HECTD2: variants seen among roughly 807,000 people sequenced by gnomAD.
HECTD2 encodes the protein HECT domain E3 ubiquitin protein ligase 2.
HECTD2 carries 35 observed loss-of-function variants against 103.2 expected under a neutral mutation model. That is an observed-to-expected ratio of 0.34 (90% CI 0.26 to 0.45). HECTD2 has a LOEUF of 0.45. Among genes scored for constraint, HECTD2 ranks in the 20% least tolerant of loss-of-function variants. The pLI, the probability that HECTD2 is intolerant of heterozygous loss-of-function variation, is 1.00. For synonymous variants in HECTD2, 281 were observed against 329.9 expected (o/e 0.85, Z 1.61); for missense variants, 596 against 937.4 (o/e 0.64, Z 4.76).
chr10:91,470,834 G>A (rs1193304779), intron 5 of HECTD2, among the ~76,000 whole-genome samples: 4 of 151,992 alleles, frequency 2.6e-5, no homozygotes, highest in Admixed American at 6.6e-5. Flanking sequence ...GTGGATTCAC[G>A]GCCGAATTCT....
At chr10:91,470,263 A>G (rs1232542849) in intron 5 of HECTD2, among the ~76,000 whole-genome samples, 2 of 152,224 alleles carry the variant, frequency 1.3e-5, no homozygotes, top group South Asian at 2.1e-4. Context: ...CAGAATACAC[A>G]TTCTTCTGAA....
intron 14 of HECTD2, among the ~76,000 whole-genome samples, chr10:91,494,734 A>C (rs1846603791): frequency 6.6e-6 from 1 of 152,044 alleles, no homozygotes; most frequent in Non-Finnish European, 1.5e-5. Context: ...TATCTGCAGT[A>C]ATCATTTGTT....
chr10:91,512,142 G>GTCA, intron 20 of HECTD2, 122 bp from the exon 21 acceptor site: 1 of 1,019,896 alleles, frequency 9.8e-7, no homozygotes, highest in Non-Finnish European at 1.4e-6. Context: ...AAATGGATGA[G>GTCA]TCATCTCTTA....
At chr10:91,500,459 C>A in intron 18 of HECTD2, 43 bp from the exon 19 acceptor site, 1 of 905,126 alleles carries the variant, frequency 1.1e-6, no homozygotes, top group Non-Finnish European at 1.8e-6. Context: ...CACTTAAAAC[C>A]ATCACTCTTT....
chr10:91,429,486 T>G (rs1452309031), intron 2 of HECTD2, among the ~76,000 whole-genome samples: 1 of 152,020 alleles, frequency 6.6e-6, no homozygotes, highest in African/African-American at 2.4e-5. Context: ...TGGTAGAATT[T>G]GGCTGTGAAT....
chr10:91,423,789 C>T (rs1318194332), intron 1 of HECTD2, among the ~76,000 whole-genome samples: 1 of 152,026 alleles, frequency 6.6e-6, no homozygotes, highest in Non-Finnish European at 1.5e-5. Context: ...AAGTGTAGCA[C>T]CTATGCACAA....
intron 16 of HECTD2, 113 bp from the exon 17 acceptor site, chr10:91,498,759 A>G (rs1846778068): frequency 1.6e-6 from 1 of 623,082 alleles, no homozygotes; most frequent in Non-Finnish European, 2.9e-6. Flanking sequence ...TTTATAGTTT[A>G]TGTGTTTAGA....
chr10:91,421,039 C>A (rs143873838), intron 1 of HECTD2, among the ~76,000 whole-genome samples: 2 of 152,150 alleles, frequency 1.3e-5, no homozygotes, highest in Non-Finnish European at 2.9e-5. Flanking sequence ...TTCTTCCCCC[C>A]CTCAGGCTTT....
At chr10:91,500,731 TAGAG>T (rs1479337081) in intron 19 of HECTD2, 114 bp downstream of exon 19, 1 of 557,858 alleles carries the variant, frequency 1.8e-6, no homozygotes, top group Admixed American at 3.1e-5. Context: ...GTCAAAATAT[TAGAG>T]AGTCCCACAG....
At chr10:91,498,450 G>A (rs1846768542) in intron 16 of HECTD2, among the ~76,000 whole-genome samples, 3 of 152,104 alleles carry the variant, frequency 2.0e-5, no homozygotes, top group African/African-American at 4.8e-5. Flanking sequence ...GAGCTTTTTA[G>A]TTTCTAAAAA....
chr10:91,459,492 T>G (rs561548455), intron 2 of HECTD2, among the ~76,000 whole-genome samples: 1 of 152,008 alleles, frequency 6.6e-6, no homozygotes, highest in Admixed American at 6.6e-5. Flanking sequence ...TATTAAGCAA[T>G]AAAAATGAAC....
intron 2 of HECTD2, among the ~76,000 whole-genome samples, chr10:91,432,561 T>C (rs1404255647): frequency 6.6e-6 from 1 of 151,984 alleles, no homozygotes; most frequent in East Asian, 1.9e-4. Context: ...CTTACTCTCT[T>C]GTGTCTTCCT....
chr10:91,418,026 T>G (rs1185433581), intron 1 of HECTD2, among the ~76,000 whole-genome samples: 1 of 152,126 alleles, frequency 6.6e-6, no homozygotes, highest in Non-Finnish European at 1.5e-5. Context: ...CTCCAGCACC[T>G]GTTGTTTCCT....
At chr10:91,485,457 AT>A in intron 10 of HECTD2, 154 bp downstream of exon 10, 1 of 548,596 alleles carries the variant, frequency 1.8e-6, no homozygotes, top group Non-Finnish European at 3.0e-6. Flanking sequence ...TTATTAAAGT[AT>A]TTTCTTTTTC....
rs1720439164 is a variant in HECTD2 at position 91,499,552 on chromosome 10, C to T, written c.1950+402C>T. Reference sequence around the variant, plus strand: ...AGCTGCTTCCTGCTACCTCAGGGCTCCCTCAGCAACTCTGCATTGCCTTTT... The same window carrying T: ...AGCTGCTTCCTGCTACCTCAGGGCTTCCTCAGCAACTCTGCATTGCCTTTT... On this transcript the variant is annotated intron_variant, in intron 18 of 20. Coordinates refer to ENST00000298068, the MANE Select transcript of HECTD2 (RefSeq NM_182765.6). 2.0e-5 allele frequency among the ~76,000 whole-genome samples: 3 copies of T among 152,158 alleles called. No homozygotes were observed. In the South Asian group the frequency reaches 6.2e-4, roughly 32 times the overall value.
intron 5 of HECTD2, among the ~76,000 whole-genome samples, chr10:91,471,612 A>C (rs1348906095): frequency 6.6e-6 from 1 of 152,202 alleles, no homozygotes; most frequent in Non-Finnish European, 1.5e-5. Context: ...AATTTCAGCA[A>C]AGTTTCTGAA....
At chr10:91,449,822 T>G (rs546024358) in intron 2 of HECTD2, among the ~76,000 whole-genome samples, 41 of 143,380 alleles carry the variant, frequency 2.9e-4, no homozygotes, top group African/African-American at 6.3e-4. Context: ...ACTTACAAAG[T>G]ATGTGAAGGA....
chr10:91,427,762 G>A (rs1564701458), intron 2 of HECTD2, among the ~76,000 whole-genome samples: 1 of 152,128 alleles, frequency 6.6e-6, no homozygotes, highest in Non-Finnish European at 1.5e-5. Flanking sequence ...TTTGTCAGAT[G>A]AGTAGGTTGC....
In HECTD2 at chr10:91,492,333, G is replaced by C. The variant is rs1846511740; in HGVS notation, c.1300-19G>C. 1 of 1,606,474 alleles carries C rather than the reference G, an allele frequency of 6.2e-7. No individual in the cohort carries two copies. Among genetic ancestry groups the C allele is most frequent in the African/African-American group, 1.3e-5 (1 of 74,708 alleles). On this transcript the variant is annotated intron_variant, in intron 12 of 20. Transcript: ENST00000298068. ...TCACTGCTCTTTGTTCTCCTCTACT[G>C]TATAATATCTTCAAATAGCTAACCC...
Sources: gnomAD v4.1 joint callset for allele counts (sites outside exome capture counted in the v4.1 genomes callset) on GRCh38, gnomAD v4.1.1 for gene constraint, MANE v1.5 for transcripts, NCBI Gene and HGNC (gene_info 2026-07-23, HGNC 2026-07-21) for gene names.